The following SMCHD1 variants were observed in gnomAD, a reference collection of about 807,000 sequenced individuals.
SMCHD1 encodes the protein structural maintenance of chromosomes flexible hinge domain containing 1.
Under a neutral mutation model 254.7 loss-of-function variants are expected in SMCHD1, and 78 were observed. The ratio of observed to expected loss-of-function variants is 0.31; its 90% CI spans 0.26 to 0.37. SMCHD1 has a LOEUF of 0.37. Among genes scored for constraint, SMCHD1 ranks in the 10% least tolerant of loss-of-function variants. The probability of loss-of-function intolerance (pLI) is 1.00; values close to 1 mark genes in which losing one functional copy is unlikely to be tolerated. For missense variants in SMCHD1, 1,840 were observed against 2,408.1 expected, an observed-to-expected ratio of 0.76 and a Z score of 4.94; for synonymous variants, 766 against 794.9, an observed-to-expected ratio of 0.96 and a Z score of 0.61.
At chr18:2,691,532 T>C (rs564046781) in intron 7 of SMCHD1, 2 of 152,256 alleles carry the variant, frequency 1.3e-5, no homozygotes, top group East Asian at 1.9e-4. Context: ...TTGCTACTTA[T>C]GTCAAAAGCT....
intron 37 of SMCHD1, among the ~76,000 whole-genome samples, chr18:2,768,661 GTATATAGTGTACTATATAC>G (rs1478165299): frequency 1.9e-5 from 2 of 105,694 alleles, no homozygotes; most frequent in Non-Finnish European, 4.5e-5. Flanking sequence ...ATATAGTATA[GTATATAGTGTACTATATAC>G]TATACTACTA....
intron 17 of SMCHD1, among the ~76,000 whole-genome samples, chr18:2,714,691 A>G (rs2143333391): frequency 6.6e-6 from 1 of 152,068 alleles, no homozygotes; most frequent in African/African-American, 2.4e-5. Context: ...AGTATTGACC[A>G]TTTGTTTCCA....
At chr18:2,709,110 A>G (rs2074604268) in intron 17 of SMCHD1, among the ~76,000 whole-genome samples, 1 of 149,646 alleles carries the variant, frequency 6.7e-6, no homozygotes, top group African/African-American at 2.4e-5. Flanking sequence ...GGTACCTCAT[A>G]AAAATGGAAT....
chr18:2,669,317 C>A (rs1191959158), intron 3 of SMCHD1, among the ~76,000 whole-genome samples: 1 of 152,082 alleles, frequency 6.6e-6, no homozygotes, highest in Non-Finnish European at 1.5e-5. Context: ...CCCTGCACTT[C>A]AGTCTGGGCA....
chr18:2,741,056 C>G (rs145252742), intron 28 of SMCHD1, among the ~76,000 whole-genome samples: 16 of 152,290 alleles, frequency 1.1e-4, no homozygotes, highest in Non-Finnish European at 1.8e-4. Flanking sequence ...CATACCATAT[C>G]ATTTTGAAGC....
intron 34 of SMCHD1, chr18:2,752,771 G>C (rs1228324382): frequency 4.7e-6 from 2 of 427,936 alleles, no homozygotes; most frequent in African/African-American, 4.2e-5. Flanking sequence ...ATTTGCTTTT[G>C]AAACTATCGA....
chr18:2,688,706 A>G lies in SMCHD1; in HGVS notation c.832A>G (p.Asn278Asp), dbSNP rs748561783. The change falls in exon 7 of 48, where the codon AAT (asparagine) becomes GAT (aspartate). Residue 278 changes from asparagine to aspartate, a missense_variant. Transcript: ENST00000320876. ...SKEDFEKKEK[N>D]KEAIYSGYIR... is the part of the protein sequence containing the mutation. ...AGAAGATTTTGAGAAGAAGGAGAAAAATAAAGAGGCAATATATAGTGGATA... is the reference window on the plus strand; with the variant it reads ...AGAAGATTTTGAGAAGAAGGAGAAAGATAAAGAGGCAATATATAGTGGATA... 1.3e-6 allele frequency: 2 copies of G among 1,492,884 alleles called. No homozygotes were observed. Among genetic ancestry groups the G allele is most frequent in the South Asian group, 2.4e-5 (2 of 82,858 alleles). The allele number at this position is 1,492,884 out of a possible 1,614,324, so 92.5% of individuals were successfully genotyped here.
At chr18:2,689,973 C>G (rs866132576) in intron 7 of SMCHD1, among the ~76,000 whole-genome samples, 1 of 151,580 alleles carries the variant, frequency 6.6e-6, no homozygotes, top group Non-Finnish European at 1.5e-5. Context: ...TATGATCATG[C>G]CACTACATTC....
chr18:2,736,920 C>G (rs574653718), intron 25 of SMCHD1, among the ~76,000 whole-genome samples: 1 of 152,168 alleles, frequency 6.6e-6, no homozygotes, highest in African/African-American at 2.4e-5. Flanking sequence ...AAAATAATAC[C>G]ATTTCACCAA....
At chr18:2,730,641 C>A (rs1598378581) in intron 24 of SMCHD1, among the ~76,000 whole-genome samples, 1 of 152,100 alleles carries the variant, frequency 6.6e-6, no homozygotes, top group Admixed American at 6.5e-5. Flanking sequence ...GTAACAGATA[C>A]TTAAGTAAAA....
At chr18:2,763,549 T>C (rs772554234) in intron 36 of SMCHD1, 88 bp from the exon 37 acceptor site, 39 of 1,043,092 alleles carry the variant, frequency 3.7e-5, no homozygotes, top group Admixed American at 1.2e-4. Flanking sequence ...TTGGGGGCTC[T>C]CTGTATTATT....
chr18:2,655,969 C>G lies in SMCHD1; in HGVS notation c.-107C>G. On this transcript the variant is annotated 5_prime_UTR_variant, in exon 1 of 48. Transcript: ENST00000320876. The stretch of plus-strand genomic sequence containing the variant: ...GGAGCTGCAGCGCGCCGGGCCGAGG[C>G]CTCGAGCCGCCCCGGGAGCTGGAGC... 1.1e-6 allele frequency: 1 copy of G among 916,924 alleles called. No individual in the cohort carries two copies. The highest frequency in any genetic ancestry group is 1.4e-6 in the Non-Finnish European group (1 of 700,394). 56.8% of individuals were successfully genotyped at this position (916,924 alleles called of 1,614,324 possible).
chr18:2,790,320 G>T (rs1036776402), intron 45 of SMCHD1, among the ~76,000 whole-genome samples: 1 of 152,160 alleles, frequency 6.6e-6, no homozygotes, highest in Non-Finnish European at 1.5e-5. Flanking sequence ...ATAGGTGAGT[G>T]CAGTACAATA....
chr18:2,663,112 A>G (rs118063404), intron 1 of SMCHD1, among the ~76,000 whole-genome samples: 2,727 of 152,194 alleles, frequency 0.018, 41 homozygotes, highest in Middle Eastern at 0.099. Flanking sequence ...TGCTATTTGC[A>G]TCTTTTGAGA....
Position 2,688,520 on chromosome 18 carries a change from G to T in SMCHD1, c.753+12G>T, listed in dbSNP as rs774867434. 1 of 1,605,724 alleles carries T rather than the reference G, an allele frequency of 6.2e-7. No individual in the cohort carries two copies. The highest frequency in any genetic ancestry group is 8.5e-7 in the Non-Finnish European group (1 of 1,173,152). ...GACAATCAGCCAGAGTAAGTAAAAA[G>T]ATTTCTTATAAATGAAAGTTGATCA... On this transcript the variant is annotated intron_variant, in intron 6 of 47. Coordinates refer to ENST00000320876, the MANE Select transcript of SMCHD1 (RefSeq NM_015295.3).
intron 7 of SMCHD1, among the ~76,000 whole-genome samples, chr18:2,692,427 C>T (rs1337607597): frequency 6.6e-6 from 1 of 152,188 alleles, no homozygotes; most frequent in Non-Finnish European, 1.5e-5. Context: ...TTCTTATTCT[C>T]TCCTTCTCCT....
chr18:2,748,358 G>A (rs1411471190), intron 30 of SMCHD1, among the ~76,000 whole-genome samples: 3 of 23,528 alleles, frequency 1.3e-4, no homozygotes, highest in African/African-American at 3.1e-4. Context: ...GTGTGTGTGT[G>A]TGTGTGTGTG....
intron 5 of SMCHD1, among the ~76,000 whole-genome samples, chr18:2,675,610 G>T (rs1452292487): frequency 6.6e-6 from 1 of 152,050 alleles, no homozygotes; most frequent in African/African-American, 2.4e-5. Context: ...TAAATATGTG[G>T]CATTTAAAGG....
intron 37 of SMCHD1, among the ~76,000 whole-genome samples, chr18:2,766,574 T>A (rs905197089): frequency 2.6e-5 from 4 of 152,236 alleles, no homozygotes; most frequent in African/African-American, 9.6e-5. Context: ...GTGATTCTTA[T>A]CATTAGGGAA....
Sources: gnomAD v4.1 joint callset for allele counts (sites outside exome capture counted in the v4.1 genomes callset) on GRCh38, gnomAD v4.1.1 for gene constraint, MANE v1.5 for transcripts, NCBI Gene and HGNC (gene_info 2026-07-23, HGNC 2026-07-21) for gene names.